Variants in DLG2 observed in about 807,000 individuals in gnomAD.
The protein encoded by DLG2 is disks large homolog 2.
A neutral mutation model predicts 132.5 loss-of-function variants in DLG2; 45 were observed. The observed-to-expected ratio is 0.34, with a 90% CI of 0.27 to 0.44. The LOEUF (loss-of-function observed/expected upper bound fraction) is 0.44, where lower values mean the gene tolerates loss of function less well. DLG2 is among the 20% of genes least tolerant of loss of function. The pLI, the probability that DLG2 is intolerant of heterozygous loss-of-function variation, is 1.00. For missense variants in DLG2, 1,045 were observed against 1,196.9 expected, an observed-to-expected ratio of 0.87 and a Z score of 1.87; for synonymous variants, 424 against 419.6, an observed-to-expected ratio of 1.01 and a Z score of -0.13.
At chr11:84,526,011 A>C (rs997413676) in intron 7 of DLG2, among the ~76,000 whole-genome samples, 4 of 152,054 alleles carry the variant, frequency 2.6e-5, no homozygotes, top group African/African-American at 9.7e-5. Context: ...AGCTCCAAAA[A>C]ATTAAACAGT....
At chr11:84,870,218 A>AT (rs2085265164) in intron 6 of DLG2, among the ~76,000 whole-genome samples, 1 of 152,212 alleles carries the variant, frequency 6.6e-6, no homozygotes, top group African/African-American at 2.4e-5. Context: ...TACATCACCC[A>AT]AAGAGAATAG....
At chr11:83,680,341 A>G (rs1176916569) in intron 18 of DLG2, among the ~76,000 whole-genome samples, 1 of 152,242 alleles carries the variant, frequency 6.6e-6, no homozygotes, top group African/African-American at 2.4e-5. Flanking sequence ...GTACTTTACA[A>G]CAAATAAACT....
chr11:83,983,152 C>T (rs895147935), intron 11 of DLG2, among the ~76,000 whole-genome samples: 2 of 152,016 alleles, frequency 1.3e-5, no homozygotes, highest in Non-Finnish European at 2.9e-5. Context: ...AATTAATAGA[C>T]TCTTTAAACG....
At chr11:84,300,629 C>A (rs2098141166) in intron 7 of DLG2, among the ~76,000 whole-genome samples, 1 of 152,124 alleles carries the variant, frequency 6.6e-6, no homozygotes. Flanking sequence ...TTTTAAATTG[C>A]CAACTGGGCA....
intron 9 of DLG2, among the ~76,000 whole-genome samples, chr11:84,110,890 G>T (rs551197081): frequency 6.6e-6 from 1 of 152,154 alleles, no homozygotes; most frequent in Non-Finnish European, 1.5e-5. Context: ...TCTGAGGGTC[G>T]CCATTTTGTA....
chr11:84,775,616 A>C (rs574494423), intron 6 of DLG2, among the ~76,000 whole-genome samples: 61 of 152,276 alleles, frequency 4.0e-4, no homozygotes, highest in Admixed American at 3.8e-3. Context: ...TGTTCTTTGC[A>C]GCAACATGGA....
intron 19 of DLG2, among the ~76,000 whole-genome samples, chr11:83,597,603 G>A (rs2057814876): frequency 7.0e-6 from 1 of 141,958 alleles, no homozygotes; most frequent in Non-Finnish European, 1.5e-5. Flanking sequence ...AGGAGGCTGA[G>A]GCAAAACCCC....
intron 7 of DLG2, among the ~76,000 whole-genome samples, chr11:84,322,920 T>C (rs1451163892): frequency 6.6e-6 from 1 of 152,122 alleles, no homozygotes; most frequent in Non-Finnish European, 1.5e-5. Context: ...AAAGTGTGCT[T>C]CAAAGAATAT....
chr11:83,700,572 G>C lies in DLG2; in HGVS notation c.1826-67247C>G, dbSNP rs570715356. Among the ~76,000 whole-genome samples the C allele has an allele frequency of 2.0e-5, 3 of 152,254 alleles. No individual in the cohort carries two copies. In the South Asian group the frequency reaches 6.2e-4, roughly 32 times the overall value. ...GATCGATCCATGACTCTGAGAATTA[G>C]AAATGATTTAAAAACAAGAATGTCT... On this transcript the variant is annotated intron_variant, in intron 18 of 27. Transcript: ENST00000376104.
At chr11:85,406,348 A>T (rs1209675362) in intron 3 of DLG2, among the ~76,000 whole-genome samples, 2 of 151,966 alleles carry the variant, frequency 1.3e-5, no homozygotes, top group African/African-American at 2.4e-5. Flanking sequence ...GTCAAGCTTC[A>T]TGAGAGAATC....
chr11:84,286,964 T>C (rs1040536270), intron 7 of DLG2, among the ~76,000 whole-genome samples: 3 of 152,302 alleles, frequency 2.0e-5, no homozygotes, highest in Admixed American at 1.3e-4. Context: ...GCTTTTTAAA[T>C]GTCTGATCTT....
At chr11:84,708,792 C>T (rs1222216356) in intron 6 of DLG2, among the ~76,000 whole-genome samples, 4 of 151,726 alleles carry the variant, frequency 2.6e-5, no homozygotes, top group Non-Finnish European at 4.4e-5. Context: ...TGCACAAGTA[C>T]AGAGAGAAAA....
chr11:84,519,911 G>T (rs1394691354), intron 7 of DLG2, among the ~76,000 whole-genome samples: 14 of 152,050 alleles, frequency 9.2e-5, no homozygotes, highest in Admixed American at 7.2e-4. Flanking sequence ...ATATTTTTGT[G>T]GGTATAGTTT....
chr11:84,490,186 A>C (rs1444770674), intron 7 of DLG2, among the ~76,000 whole-genome samples: 1 of 152,124 alleles, frequency 6.6e-6, no homozygotes, highest in African/African-American at 2.4e-5. Context: ...CATCTGTAAA[A>C]TGGAAATAAT....
At chr11:83,838,478 A>AT (rs775413457) in intron 16 of DLG2, among the ~76,000 whole-genome samples, 65 of 152,308 alleles carry the variant, frequency 4.3e-4, no homozygotes, top group Non-Finnish European at 8.2e-4. Context: ...AAGGACATAG[A>AT]TTTTCTGTCT....
intron 5 of DLG2, among the ~76,000 whole-genome samples, chr11:85,145,206 C>G (rs73525442): frequency 6.6e-6 from 1 of 151,898 alleles, no homozygotes; most frequent in East Asian, 1.9e-4. Context: ...CAGATGTATG[C>G]TCCCTTGCAA....
At chr11:84,915,097 A>G (rs2154079796) in intron 6 of DLG2, among the ~76,000 whole-genome samples, 1 of 152,302 alleles carries the variant, frequency 6.6e-6, no homozygotes, top group East Asian at 1.9e-4. Flanking sequence ...GTAATTCATC[A>G]TCTTTTCATT....
intron 8 of DLG2, among the ~76,000 whole-genome samples, chr11:84,211,759 C>T (rs2096758367): frequency 6.6e-6 from 1 of 152,076 alleles, no homozygotes. Flanking sequence ...GAAACTCAGT[C>T]TATAGGATCA....
chr11:84,733,099 A>G (rs1438176893), intron 6 of DLG2, among the ~76,000 whole-genome samples: 6 of 152,174 alleles, frequency 3.9e-5, no homozygotes. Context: ...CACAATAAAC[A>G]TATGTGTGCA....
Sources: allele counts gnomAD v4.1 joint callset (sites outside exome capture counted in the v4.1 genomes callset), GRCh38; gene constraint gnomAD v4.1.1; transcripts MANE v1.5; gene names NCBI Gene and HGNC (gene_info 2026-07-23, HGNC 2026-07-21).